The following NRG3 variants were observed in gnomAD, a reference collection of about 807,000 sequenced individuals.
NRG3 encodes the protein pro-neuregulin-3, membrane-bound isoform.
NRG3 carries 31 observed loss-of-function variants against 66.9 expected under a neutral mutation model. The ratio of observed to expected loss-of-function variants is 0.46; its 90% CI spans 0.35 to 0.63. The LOEUF (loss-of-function observed/expected upper bound fraction) is 0.63, where lower values mean the gene tolerates loss of function less well. Ranked by LOEUF, NRG3 falls within the 20% of genes least tolerant of loss-of-function variation. NRG3 has a pLI of 0.00. For synonymous variants in NRG3, 393 were observed against 359.4 expected (o/e 1.09, Z -1.06); for missense variants, 910 against 878.9 (o/e 1.04, Z -0.45).
chr10:82,829,547 T>C (rs1296468493), intron 3 of NRG3, among the ~76,000 whole-genome samples: 1 of 152,070 alleles, frequency 6.6e-6, no homozygotes, highest in Non-Finnish European at 1.5e-5. Context: ...AGGTGCAAAG[T>C]CAGGTAGAAG....
At chr10:82,223,397 T>G (rs145714560) in intron 1 of NRG3, among the ~76,000 whole-genome samples, 74 of 152,248 alleles carry the variant, frequency 4.9e-4, no homozygotes, top group Non-Finnish European at 9.4e-4. Context: ...GCACCCTAGA[T>G]CTGTATTTGG....
intron 1 of NRG3, among the ~76,000 whole-genome samples, chr10:81,894,718 T>C (rs11191717): frequency 0.076 from 11,621 of 152,218 alleles, 1,027 homozygotes; most frequent in African/African-American, 0.21. Context: ...TCCCCGCTGC[T>C]ACCCCACATC....
chr10:82,152,863 CTTTT>C (rs1488120853), intron 1 of NRG3, among the ~76,000 whole-genome samples: 4 of 133,288 alleles, frequency 3.0e-5, no homozygotes, highest in African/African-American at 1.1e-4. Flanking sequence ...TCTTTTCTTT[CTTTT>C]TCTTTTCTTT....
chr10:82,573,586 T>G (rs1295829406), intron 2 of NRG3, among the ~76,000 whole-genome samples: 1 of 151,846 alleles, frequency 6.6e-6, no homozygotes, highest in African/African-American at 2.4e-5. Context: ...TTGAAGTGCT[T>G]ATGCAACACA....
At chr10:82,865,171 T>C (rs479772) in intron 3 of NRG3, among the ~76,000 whole-genome samples, 112,692 of 152,056 alleles carry the variant, frequency 0.74, 42,267 homozygotes, top group African/African-American at 0.86. Context: ...GCAATATTAG[T>C]TCATCTAAAA....
rs548915489 is a variant in NRG3 at position 82,359,372 on chromosome 10, C to G, written c.953+504C>G. 1.3e-4 allele frequency among the ~76,000 whole-genome samples: 20 copies of G among 152,242 alleles called. No homozygotes were observed. In the East Asian group the frequency reaches 3.9e-3, roughly 29 times the overall value. On this transcript the variant is annotated intron_variant, in intron 2 of 8. Coordinates refer to ENST00000372141, the MANE Select transcript of NRG3 (RefSeq NM_001010848.4). ...CTGCCTTCCTTTATTAATTTCAGTA[C>G]TTTTTCTTAACACCTCTGATGAAAC...
At chr10:82,512,045 A>G (rs183667678) in intron 2 of NRG3, among the ~76,000 whole-genome samples, 138 of 152,232 alleles carry the variant, frequency 9.1e-4, no homozygotes, top group African/African-American at 3.3e-3. Context: ...TCCAATGAAT[A>G]TCGAAGATAA....
chr10:82,002,218 A>G (rs1370095458), intron 1 of NRG3, among the ~76,000 whole-genome samples: 2 of 152,150 alleles, frequency 1.3e-5, no homozygotes, highest in Non-Finnish European at 2.9e-5. Context: ...TTGTGTCTGT[A>G]GCAAATCTCT....
chr10:82,336,920 T>C (rs1282629200), intron 1 of NRG3, among the ~76,000 whole-genome samples: 1 of 152,236 alleles, frequency 6.6e-6, no homozygotes, highest in Non-Finnish European at 1.5e-5. Flanking sequence ...CTCAATAATA[T>C]TTGTTCTGAA....
At chr10:82,398,776 T>C (rs1041332685) in intron 2 of NRG3, among the ~76,000 whole-genome samples, 3 of 152,092 alleles carry the variant, frequency 2.0e-5, no homozygotes, top group Non-Finnish European at 4.4e-5. Flanking sequence ...CCTATGGTAG[T>C]ACCAAAAATT....
intron 1 of NRG3, among the ~76,000 whole-genome samples, chr10:81,983,946 A>G (rs577878356): frequency 1.3e-5 from 2 of 152,306 alleles, no homozygotes; most frequent in South Asian, 2.1e-4. Context: ...GTGAACTGCT[A>G]TAATCACAGT....
At chr10:82,729,191 A>G (rs2134621027) in intron 2 of NRG3, among the ~76,000 whole-genome samples, 1 of 152,296 alleles carries the variant, frequency 6.6e-6, no homozygotes, top group South Asian at 2.1e-4. Context: ...ATTGAAAACT[A>G]GAATCTCACA....
At chr10:82,831,689 C>A (rs2135677606) in intron 3 of NRG3, among the ~76,000 whole-genome samples, 1 of 152,232 alleles carries the variant, frequency 6.6e-6, no homozygotes, top group Non-Finnish European at 1.5e-5. Flanking sequence ...TGGCAGGCAC[C>A]TGTAATCCCA....
intron 1 of NRG3, among the ~76,000 whole-genome samples, chr10:81,921,637 G>C (rs1165963858): frequency 6.6e-6 from 1 of 152,090 alleles, no homozygotes; most frequent in Non-Finnish European, 1.5e-5. Flanking sequence ...GAGAATAAAG[G>C]ATCCAGTGTG....
At chr10:82,699,328 G>A (rs898934748) in intron 2 of NRG3, among the ~76,000 whole-genome samples, 3 of 151,380 alleles carry the variant, frequency 2.0e-5, no homozygotes, top group African/African-American at 7.3e-5. Flanking sequence ...AAGGAAAGAA[G>A]GAAGGAAGGA....
At chr10:82,984,678 G>C (rs1367239896) in intron 8 of NRG3, 8 of 1,169,758 alleles carry the variant, frequency 6.8e-6, no homozygotes, top group Non-Finnish European at 9.8e-6. Flanking sequence ...GGGCTGAGAG[G>C]GTGGTCGAGT....
At chr10:82,008,043 C>A (rs1314838271) in intron 1 of NRG3, among the ~76,000 whole-genome samples, 1 of 152,010 alleles carries the variant, frequency 6.6e-6, no homozygotes, top group African/African-American at 2.4e-5. Context: ...ACCAATTTGC[C>A]AGGCACAGCT....
intron 3 of NRG3, among the ~76,000 whole-genome samples, chr10:82,841,568 G>A (rs571303452): frequency 6.6e-6 from 1 of 152,250 alleles, no homozygotes; most frequent in Admixed American, 6.5e-5. Context: ...AATTCAGGCA[G>A]GAGTTGGTAC....
At chr10:81,905,056 C>A (rs914875894) in intron 1 of NRG3, among the ~76,000 whole-genome samples, 3 of 152,182 alleles carry the variant, frequency 2.0e-5, no homozygotes, top group Non-Finnish European at 4.4e-5. Context: ...TCTCCTCCTC[C>A]TCCCGGCTTC....
Sources: gnomAD v4.1 joint callset for allele counts (sites outside exome capture counted in the v4.1 genomes callset) on GRCh38, gnomAD v4.1.1 for gene constraint, MANE v1.5 for transcripts, NCBI Gene and HGNC (gene_info 2026-07-23, HGNC 2026-07-21) for gene names.